The following SI variants were observed in gnomAD, a reference collection of about 807,000 sequenced individuals.
SI encodes the protein sucrase-isomaltase, intestinal.
A neutral mutation model predicts 253.3 loss-of-function variants in SI; 235 were observed. That is an observed-to-expected ratio of 0.93 (90% confidence interval 0.83 to 1.03). The LOEUF (loss-of-function observed/expected upper bound fraction) is 1.03. SI is among the 50% of genes least tolerant of loss of function. SI has a pLI of 0.00. For missense variants in SI, 2,442 were observed against 2,211.1 expected (o/e 1.10, Z -2.09); for synonymous variants, 819 against 712.0 (o/e 1.15, Z -2.39).
rs752307892 is a variant in SI, at chr3:165,067,510, G to A, written c.484-19C>T. The A allele has an allele frequency of 8.8e-6, 14 of 1,589,390 alleles. No homozygotes were observed. Among genetic ancestry groups the A allele is most frequent in the African/African-American group, 1.3e-5 (1 of 74,262 alleles). On this transcript the variant is annotated intron_variant, in intron 5 of 47. Coordinates refer to ENST00000264382, the MANE Select transcript of SI (RefSeq NM_001041.4). The stretch of plus-strand genomic sequence containing the variant: ...CAGTAATCTGGAAAGATTTAAGCAA[G>A]GTAGCATTACTGGATTCTAAACTAT...
intron 6 of SI, among the ~76,000 whole-genome samples, chr3:165,066,276 T>C (rs1004300680): frequency 4.6e-5 from 7 of 151,968 alleles, no homozygotes; most frequent in Admixed American, 2.0e-4. Context: ...TGAGCATCCA[T>C]GGATTTTGGT....
chr3:164,979,118 ATACT>A lies in SI; in HGVS notation c.*240_*243del. On this transcript the variant is annotated 3_prime_UTR_variant, in exon 48 of 48. Transcript: ENST00000264382. Reference sequence around the variant, plus strand: ...AGTAACTAGTTTACAATTGTAGCTGATACTTAACAAGGATAAATAGGGCTATTCA... The same window carrying A: ...AGTAACTAGTTTACAATTGTAGCTGATAACAAGGATAAATAGGGCTATTCA... 1 of 431,716 alleles carries A rather than the reference ATACT, an allele frequency of 2.3e-6. No homozygotes were observed. Among genetic ancestry groups the A allele is most frequent in the Non-Finnish European group, 4.2e-6 (1 of 238,122 alleles). The allele number at this position is 431,716 out of a possible 1,614,324, so 26.7% of individuals were successfully genotyped here.
At position 164,996,530 on chromosome 3, in the gene SI, C is replaced by T. The variant is rs571920146; in HGVS notation, c.4692+5G>A. The T allele has an allele frequency of 2.9e-6, 4 of 1,377,060 alleles. No homozygotes were observed. In the Middle Eastern group the frequency reaches 5.4e-4, roughly 185 times the overall value. The allele number at this position is 1,377,060 out of a possible 1,614,324, so 85.3% of individuals were successfully genotyped here. A position where few individuals can be genotyped will look rare whatever the true frequency, so the allele number is the denominator to read the frequency against. On this transcript the variant is annotated splice_donor_5th_base_variant and intron_variant, in intron 40 of 47. Coordinates refer to ENST00000264382, the MANE Select transcript of SI (RefSeq NM_001041.4). ...ATACTGAAAGTAAATGTAGTAATTACATACTCTAGTATTTGCAATGTTGTG... is the reference window on the plus strand; with the variant it reads ...ATACTGAAAGTAAATGTAGTAATTATATACTCTAGTATTTGCAATGTTGTG...
At position 164,987,222 on chromosome 3, in the gene SI, G is replaced by A; in HGVS notation, c.5113C>T (p.Gln1705Ter). ...GCAACAATGAGCTTCATGTGTTTTT[G>A]TCGACTATAAGAAAGAAATATATAA... ...EPAQNTFYSR[Q>*]KHMKLIVAAD... Residue 1705 changes from glutamine (Q) to a stop codon, truncating the protein, a stop_gained, in exon 45 of 48, where the codon CAA (glutamine) becomes TAA (stop). Coordinates refer to ENST00000264382, the MANE Select transcript of SI (RefSeq NM_001041.4). LOFTEE classifies it high-confidence loss of function. 5 of 1,612,648 alleles carry A rather than the reference G, an allele frequency of 3.1e-6. No homozygotes were observed. The highest frequency in any genetic ancestry group is 2.5e-6 in the Non-Finnish European group (3 of 1,178,924).
rs984986056 is a variant in SI at position 165,046,962 on chromosome 3, G to C, written c.1766C>G (p.Ser589Ter). The C allele has an allele frequency of 6.2e-7, 1 of 1,611,964 alleles. No homozygotes were observed. Among genetic ancestry groups the C allele is most frequent in the Non-Finnish European group, 8.5e-7 (1 of 1,178,996 alleles). ...ATGTCTTCCAGATCCAGCAAATGTT[G>C]AGCGGGTAAGAATGAAGCTTCTCTT... ...PNKRSFILTR[S>*]TFAGSGRHAA... is the part of the protein sequence containing the mutation. The change falls in exon 16 of 48, where the codon TCA becomes TGA. Residue 589 changes from serine (S) to a stop codon, truncating the protein, a stop_gained. Coordinates refer to ENST00000264382, the MANE Select transcript of SI (RefSeq NM_001041.4). LOFTEE classifies it high-confidence loss of function.
At chr3:164,994,562 T>A (rs1458085791) in intron 40 of SI, among the ~76,000 whole-genome samples, 157 bp from the exon 41 acceptor site, 1 of 151,792 alleles carries the variant, frequency 6.6e-6, no homozygotes, top group Non-Finnish European at 1.5e-5. Context: ...ATAATATTTC[T>A]ATCACATGAT....
intron 45 of SI, among the ~76,000 whole-genome samples, chr3:164,985,573 A>G (rs1195351215): frequency 6.6e-6 from 1 of 152,194 alleles, no homozygotes; most frequent in African/African-American, 2.4e-5. Context: ...AATATTAACT[A>G]TGATTTACCT....
In SI at chr3:165,019,727, T is replaced by C; in HGVS notation, c.3298A>G (p.Ile1100Val). ...GATGGCAGGCGAGTCGATATTTGAA[T>C]GAACTGGTCATTAAAAGCAAATCCA... ...LPGFAFNDQF[I>V]QISTRLPSEY... Residue 1100 changes from isoleucine to valine, a missense_variant, in exon 28 of 48, where the codon ATT becomes GTT. Coordinates refer to ENST00000264382, the MANE Select transcript of SI (RefSeq NM_001041.4). 1.2e-6 allele frequency: 2 copies of C among 1,612,716 alleles called. No individual in the cohort carries two copies. Among genetic ancestry groups the C allele is most frequent in the Non-Finnish European group, 1.7e-6 (2 of 1,179,080 alleles).
At chr3:165,032,773 A>T in intron 23 of SI, 81 bp from the exon 24 acceptor site, 1 of 917,748 alleles carries the variant, frequency 1.1e-6, no homozygotes, top group Non-Finnish European at 1.7e-6. Flanking sequence ...GAAATAGCAA[A>T]AAAAGGTCAT....
intron 3 of SI, among the ~76,000 whole-genome samples, chr3:165,070,025 CAAATT>C (rs929683334): frequency 6.8e-6 from 1 of 148,142 alleles, no homozygotes; most frequent in Non-Finnish European, 1.5e-5. Flanking sequence ...ATTTTATCCT[CAAATT>C]AAAATGGTAT....
intron 18 of SI, 104 bp downstream of exon 18, chr3:165,040,836 G>T: frequency 2.3e-6 from 2 of 884,032 alleles, no homozygotes; most frequent in Non-Finnish European, 3.7e-6. Flanking sequence ...AAAACAAGCA[G>T]CAGAAGTTTA....
At chr3:164,984,173 T>A (rs1717329535) in intron 45 of SI, among the ~76,000 whole-genome samples, 1 of 152,022 alleles carries the variant, frequency 6.6e-6, no homozygotes, top group Non-Finnish European at 1.5e-5. Flanking sequence ...AAAAAACAAA[T>A]AAGCATACAT....
At chr3:165,062,755 C>A (rs943359401) in intron 8 of SI, among the ~76,000 whole-genome samples, 1 of 151,998 alleles carries the variant, frequency 6.6e-6, no homozygotes, top group Non-Finnish European at 1.5e-5. Context: ...GGGTTAGTTG[C>A]AAAGGATTAG....
intron 31 of SI, among the ~76,000 whole-genome samples, chr3:165,017,202 T>A (rs1041892037): frequency 1.3e-5 from 2 of 151,936 alleles, no homozygotes; most frequent in Non-Finnish European, 2.9e-5. Flanking sequence ...AGATTTCTTA[T>A]CTTATTGATG....
At chr3:165,083,022 G>A (rs879886529), upstream of SI, among the ~76,000 whole-genome samples, 4 of 151,866 alleles carry the variant, frequency 2.6e-5, no homozygotes, top group Admixed American at 6.6e-5. Context: ...TCAGGACACT[G>A]GAGGAACAAA....
intron 5 of SI, among the ~76,000 whole-genome samples, chr3:165,068,493 C>T (rs1266818609): frequency 1.3e-5 from 2 of 152,144 alleles, no homozygotes; most frequent in Non-Finnish European, 2.9e-5. Context: ...CCTGCCTCAG[C>T]CTCCCGAGTA....
At chr3:165,048,594 G>T (rs1418245885) in intron 15 of SI, among the ~76,000 whole-genome samples, 4 of 147,686 alleles carry the variant, frequency 2.7e-5, no homozygotes, top group African/African-American at 7.4e-5. Context: ...TAGAGAGAGA[G>T]AGAGAGAGAG....
At chr3:165,086,114 C>T in the SI span, among the ~76,000 whole-genome samples, 15 of 151,894 alleles carry the variant, frequency 9.9e-5, no homozygotes, top group Non-Finnish European at 1.6e-4. Context: ...ATTAGCAGGG[C>T]ATGGTGGTGC....
At chr3:165,039,234 T>C (rs1476074420) in intron 19 of SI, 100 bp from the exon 20 acceptor site, 1 of 755,946 alleles carries the variant, frequency 1.3e-6, no homozygotes, top group Non-Finnish European at 2.3e-6. Flanking sequence ...AAAAAAACTT[T>C]ATGTTGTTAC....
Sources: allele counts gnomAD v4.1 joint callset (sites outside exome capture counted in the v4.1 genomes callset), GRCh38; gene constraint gnomAD v4.1.1; transcripts MANE v1.5; gene names NCBI Gene and HGNC (gene_info 2026-07-23, HGNC 2026-07-21).